ABTB3: variants seen among roughly 807,000 people sequenced by gnomAD.
ABTB3 encodes ankyrin repeat and BTB domain containing 3.
At chr12:107,447,331 G>A in the ABTB3 span, among the ~76,000 whole-genome samples, 2 of 152,102 alleles carry the variant, frequency 1.3e-5, no homozygotes, top group Admixed American at 6.5e-5. Context: ...TAGTAGAGAC[G>A]GGGTTTCAAC....
chr12:107,544,349 A>G, the ABTB3 span, among the ~76,000 whole-genome samples: 34 of 152,274 alleles, frequency 2.2e-4, no homozygotes, highest in African/African-American at 7.7e-4. Context: ...GGTTCTGTTT[A>G]GGATAAAACT....
the ABTB3 span, among the ~76,000 whole-genome samples, chr12:107,434,956 G>A: frequency 6.6e-6 from 1 of 152,166 alleles, no homozygotes; most frequent in African/African-American, 2.4e-5. Context: ...AGGGAGGGTA[G>A]CGTAGGAGGT....
At chr12:107,633,691 G>C in the ABTB3 span, among the ~76,000 whole-genome samples, 1,018 of 152,286 alleles carry the variant, frequency 6.7e-3, 14 homozygotes, top group African/African-American at 0.023. Context: ...GCACGTTTTG[G>C]GTGGCAGGGC....
the ABTB3 span, chr12:107,617,705 CAGGGCACGTCATGTCAG>C: frequency 2.2e-6 from 1 of 462,748 alleles, no homozygotes; most frequent in Non-Finnish European, 3.8e-6. Flanking sequence ...CGGTTTTGCT[CAGGGCACGTCATGTCAG>C]CTGTCATGAA....
chr12:107,450,879 C>T, the ABTB3 span, among the ~76,000 whole-genome samples: 3 of 152,024 alleles, frequency 2.0e-5, no homozygotes, highest in Non-Finnish European at 4.4e-5. Context: ...GGGGAAGTCT[C>T]TTCTGGCATG....
At chr12:107,612,796 T>C in the ABTB3 span, 23 of 1,613,592 alleles carry the variant, frequency 1.4e-5, no homozygotes, top group Non-Finnish European at 1.9e-5. Context: ...ACTCCCCTGA[T>C]GTATGCCTGC....
chr12:107,645,382 A>G, the ABTB3 span, among the ~76,000 whole-genome samples: 3 of 152,166 alleles, frequency 2.0e-5, 1 homozygote, highest in African/African-American at 7.2e-5. Context: ...CCTGCGAGGT[A>G]GCCATAATCC....
the ABTB3 span, among the ~76,000 whole-genome samples, chr12:107,351,776 G>A: frequency 2.6e-5 from 4 of 152,132 alleles, no homozygotes; most frequent in Non-Finnish European, 4.4e-5. Flanking sequence ...AAATGACACA[G>A]TCTCAGATAT....
At chr12:107,491,280 C>T in the ABTB3 span, among the ~76,000 whole-genome samples, 1 of 152,188 alleles carries the variant, frequency 6.6e-6, no homozygotes, top group Non-Finnish European at 1.5e-5. Flanking sequence ...CCTTCACACC[C>T]TGTTCCCCAG....
At chr12:107,606,758 T>A in the ABTB3 span, among the ~76,000 whole-genome samples, 1 of 152,198 alleles carries the variant, frequency 6.6e-6, no homozygotes, top group Non-Finnish European at 1.5e-5. Flanking sequence ...GATAGTGGTA[T>A]GTGAGAAGAA....
chr12:107,357,441 C>G, the ABTB3 span, among the ~76,000 whole-genome samples: 3 of 152,146 alleles, frequency 2.0e-5, no homozygotes, highest in Admixed American at 6.5e-5. Flanking sequence ...GACCCCATCT[C>G]TACAAAACTT....
chr12:107,517,560 G>A, the ABTB3 span, among the ~76,000 whole-genome samples: 3 of 152,138 alleles, frequency 2.0e-5, no homozygotes, highest in African/African-American at 7.2e-5. Context: ...ATGGTTTGTA[G>A]TTCTCCTTGA....
the ABTB3 span, among the ~76,000 whole-genome samples, chr12:107,403,632 C>T: frequency 2.0e-5 from 3 of 152,192 alleles, no homozygotes; most frequent in South Asian, 6.2e-4. Context: ...AAAGCTTCCA[C>T]CGATACATTA....
the ABTB3 span, among the ~76,000 whole-genome samples, chr12:107,507,913 T>C: frequency 2.6e-5 from 4 of 152,244 alleles, no homozygotes; most frequent in Admixed American, 1.3e-4. Flanking sequence ...CAGTGTAGCA[T>C]GGATGGACTT....
chr12:107,478,694 C>A, the ABTB3 span, among the ~76,000 whole-genome samples: 1 of 152,178 alleles, frequency 6.6e-6, no homozygotes, highest in East Asian at 1.9e-4. Context: ...TTTTAATATA[C>A]AACTAGTATA....
the ABTB3 span, chr12:107,614,913 G>C: frequency 9.5e-6 from 6 of 632,770 alleles, no homozygotes; most frequent in African/African-American, 1.8e-5. Context: ...GAAAATCCCT[G>C]CCCTGTATCA....
At chr12:107,494,394 G>A in the ABTB3 span, among the ~76,000 whole-genome samples, 1 of 152,132 alleles carries the variant, frequency 6.6e-6, no homozygotes, top group Non-Finnish European at 1.5e-5. Flanking sequence ...TCAGGGATCT[G>A]GGAAGGCAGG....
At chr12:107,516,158 T>A in the ABTB3 span, among the ~76,000 whole-genome samples, 1 of 151,906 alleles carries the variant, frequency 6.6e-6, no homozygotes, top group Non-Finnish European at 1.5e-5. Context: ...TAGAAGAAAA[T>A]CCATTGACTA....
chr12:107,500,247 G>A, the ABTB3 span, among the ~76,000 whole-genome samples: 319 of 152,296 alleles, frequency 2.1e-3, 1 homozygote, highest in African/African-American at 7.0e-3. Flanking sequence ...TGAGGGAAGA[G>A]CCTGCGCCCG....
Sources: gnomAD v4.1 joint callset for allele counts (sites outside exome capture counted in the v4.1 genomes callset) on GRCh38, gnomAD v4.1.1 for gene constraint, MANE v1.5 for transcripts, NCBI Gene and HGNC (gene_info 2026-07-23, HGNC 2026-07-21) for gene names.